The following IGF2BP2 variants were observed in gnomAD, a reference collection of about 807,000 sequenced individuals.
IGF2BP2 encodes the protein insulin-like growth factor 2 mRNA-binding protein 2.
In IGF2BP2, 17 loss-of-function variants were observed where a neutral mutation model predicts 75.8. The ratio of observed to expected loss-of-function variants is 0.22; its 90% CI spans 0.15 to 0.34. The LOEUF (loss-of-function observed/expected upper bound fraction) is 0.34. IGF2BP2 is among the 10% of genes least tolerant of loss of function. IGF2BP2 has a pLI of 1.00. For missense variants in IGF2BP2, 516 were observed against 772.4 expected (o/e 0.67, Z 3.93); for synonymous variants, 288 against 295.6 (o/e 0.97, Z 0.26).
intron 2 of IGF2BP2, chr3:185,814,149 C>G (rs1740294486): frequency 6.6e-6 from 1 of 152,240 alleles, no homozygotes; most frequent in Non-Finnish European, 1.5e-5. Flanking sequence ...GGTTTAGTCA[C>G]CTACACTTCT....
At chr3:185,766,082 A>G (rs1312387230) in intron 2 of IGF2BP2, among the ~76,000 whole-genome samples, 1 of 152,172 alleles carries the variant, frequency 6.6e-6, no homozygotes, top group East Asian at 1.9e-4. Flanking sequence ...TAAGAACCCG[A>G]TGGCTGGGTA....
At chr3:185,732,484 C>A (rs1728319574) in intron 2 of IGF2BP2, among the ~76,000 whole-genome samples, 1 of 152,166 alleles carries the variant, frequency 6.6e-6, no homozygotes, top group African/African-American at 2.4e-5. Flanking sequence ...ATAGTTAAGA[C>A]TGGTGTGAAA....
At chr3:185,659,478 G>A (rs1189803993) in intron 10 of IGF2BP2, among the ~76,000 whole-genome samples, 4 of 152,086 alleles carry the variant, frequency 2.6e-5, no homozygotes, top group African/African-American at 4.8e-5. Flanking sequence ...AGGTTCAAGC[G>A]ATTCTCCTGC....
chr3:185,657,330 C>T lies in IGF2BP2; in HGVS notation c.1342G>A (p.Ala448Thr), dbSNP rs147318025. The T allele has an allele frequency of 2.5e-6, 4 of 1,613,942 alleles. No homozygotes were observed. Among genetic ancestry groups the T allele is most frequent in the East Asian group, 2.2e-5 (1 of 44,874 alleles). The change falls in exon 12 of 16, where the codon GCA (alanine) becomes ACA (threonine). Residue 448 changes from alanine (A) to threonine (T), a missense_variant. Ala to Thr is a moderately conservative substitution (Grantham distance 58). Transcript: ENST00000382199. ...AVGAIIGKKG[A>T]HIKQLARFAG... ...AATCTCGCCAGCTGTTTGATGTGTG[C>T]CCCCTTCTTCCCGATGATGGCGCCC...
intron 2 of IGF2BP2, among the ~76,000 whole-genome samples, chr3:185,751,085 T>G (rs890678916): frequency 2.0e-5 from 3 of 152,004 alleles, no homozygotes; most frequent in Non-Finnish European, 4.4e-5. Context: ...TGATGGGGTG[T>G]GCCTGTACTC....
intron 2 of IGF2BP2, chr3:185,717,481 A>G (rs1725822856): frequency 6.6e-6 from 1 of 152,278 alleles, no homozygotes; most frequent in South Asian, 2.1e-4. Flanking sequence ...TACTCTGAGA[A>G]TAGGACTCAA....
chr3:185,649,665 A>T, intron 13 of IGF2BP2, 131 bp from the exon 14 acceptor site: 1 of 1,257,638 alleles, frequency 8.0e-7, no homozygotes, highest in South Asian at 1.5e-5. Context: ...GACACACAGG[A>T]AGCTGCGTGC....
intron 2 of IGF2BP2, among the ~76,000 whole-genome samples, chr3:185,731,965 G>C (rs1299172050): frequency 6.6e-6 from 1 of 151,914 alleles, no homozygotes; most frequent in Non-Finnish European, 1.5e-5. Context: ...CTGGGCGACA[G>C]AGCGAGACTC....
At chr3:185,784,644 C>T (rs1298388580) in intron 2 of IGF2BP2, among the ~76,000 whole-genome samples, 1 of 152,216 alleles carries the variant, frequency 6.6e-6, no homozygotes, top group Non-Finnish European at 1.5e-5. Context: ...ATCATCAAAC[C>T]CTGCAACGGC....
chr3:185,786,354 C>A (rs1310741712), intron 2 of IGF2BP2, among the ~76,000 whole-genome samples: 1 of 152,140 alleles, frequency 6.6e-6, no homozygotes, highest in Non-Finnish European at 1.5e-5. Flanking sequence ...CTGTGACCTG[C>A]ACGTATATGT....
intron 2 of IGF2BP2, among the ~76,000 whole-genome samples, chr3:185,763,876 G>A (rs977497985): frequency 6.6e-6 from 1 of 152,160 alleles, no homozygotes; most frequent in Non-Finnish European, 1.5e-5. Flanking sequence ...TCTGTTTGAA[G>A]GATGGAAAGT....
intron 10 of IGF2BP2, 51 bp from the exon 11 acceptor site, chr3:185,658,460 C>T: frequency 2.0e-6 from 3 of 1,533,006 alleles, no homozygotes; most frequent in Non-Finnish European, 2.7e-6. Context: ...GGGACTGTCA[C>T]TGGCCTCAGG....
intron 2 of IGF2BP2, among the ~76,000 whole-genome samples, chr3:185,715,635 TTTTC>T (rs200432394): frequency 0.033 from 5,069 of 151,974 alleles, 104 homozygotes; most frequent in Non-Finnish European, 0.038. Context: ...TCATTTCTTT[TTTTC>T]TTTCTTTCTT....
chr3:185,818,295 A>G (rs1315586842), intron 2 of IGF2BP2, among the ~76,000 whole-genome samples: 5 of 152,192 alleles, frequency 3.3e-5, no homozygotes, highest in African/African-American at 1.2e-4. Context: ...AGTGAAAAGG[A>G]AGGAGGGAAG....
At chr3:185,734,029 AC>A (rs1728535268) in intron 2 of IGF2BP2, among the ~76,000 whole-genome samples, 1 of 152,180 alleles carries the variant, frequency 6.6e-6, no homozygotes, top group Admixed American at 6.5e-5. Flanking sequence ...CACAGTAACA[AC>A]ACTGAAGTAT....
At chr3:185,669,559 TAA>T (rs1173087336) in intron 10 of IGF2BP2, among the ~76,000 whole-genome samples, 5 of 41,416 alleles carry the variant, frequency 1.2e-4, no homozygotes, top group Non-Finnish European at 2.1e-4. Flanking sequence ...AGAAAAACAG[TAA>T]AAAAAAAAAA....
At chr3:185,811,439 C>T (rs1449633123) in intron 2 of IGF2BP2, among the ~76,000 whole-genome samples, 7 of 152,190 alleles carry the variant, frequency 4.6e-5, no homozygotes, top group East Asian at 1.9e-4. Flanking sequence ...ACTGGCAACC[C>T]GTGGGCCAGA....
intron 2 of IGF2BP2, among the ~76,000 whole-genome samples, chr3:185,812,042 C>G (rs781491318): frequency 1.6e-4 from 24 of 152,032 alleles, no homozygotes; most frequent in Non-Finnish European, 2.2e-4. Flanking sequence ...TGTTTTTGAA[C>G]AAAAATCATG....
At chr3:185,745,370 A>G (rs781329862) in intron 2 of IGF2BP2, among the ~76,000 whole-genome samples, 4 of 152,192 alleles carry the variant, frequency 2.6e-5, no homozygotes, top group African/African-American at 7.2e-5. Flanking sequence ...AGGCCAGGGA[A>G]AGAGAATAAA....
Sources: gnomAD v4.1 joint callset for allele counts (sites outside exome capture counted in the v4.1 genomes callset) on GRCh38, gnomAD v4.1.1 for gene constraint, MANE v1.5 for transcripts, NCBI Gene and HGNC (gene_info 2026-07-23, HGNC 2026-07-21) for gene names.